PREX1: variants seen among roughly 807,000 people sequenced by gnomAD.
PREX1 encodes phosphatidylinositol 3,4,5-trisphosphate-dependent Rac exchanger 1 protein.
In PREX1, 41 loss-of-function variants were observed where a neutral mutation model predicts 198.3. The observed-to-expected ratio is 0.21, with a 90% CI of 0.16 to 0.27. PREX1 has a LOEUF of 0.27. Among genes scored for constraint, PREX1 ranks in the 10% least tolerant of loss-of-function variants. PREX1 has a pLI of 1.00. For synonymous variants in PREX1, 843 were observed against 887.2 expected, an observed-to-expected ratio of 0.95 and a Z score of 0.89; for missense variants, 1,620 against 2,200.7, an observed-to-expected ratio of 0.74 and a Z score of 5.28.
chr20:48,631,551 AC>A (rs1367572662), intron 35 of PREX1, among the ~76,000 whole-genome samples: 1 of 152,230 alleles, frequency 6.6e-6, no homozygotes, highest in Non-Finnish European at 1.5e-5. Context: ...CAGACTGATG[AC>A]AGCCCTGATC....
intron 7 of PREX1, among the ~76,000 whole-genome samples, chr20:48,696,026 A>C (rs1453123338): frequency 6.6e-6 from 1 of 152,232 alleles, no homozygotes; most frequent in African/African-American, 2.4e-5. Flanking sequence ...CCATTATACA[A>C]ACTGTAAAGA....
At chr20:48,801,636 C>G (rs1024423642) in intron 1 of PREX1, among the ~76,000 whole-genome samples, 5 of 152,240 alleles carry the variant, frequency 3.3e-5, no homozygotes, top group Non-Finnish European at 5.9e-5. Flanking sequence ...ACCCACGTCT[C>G]TCCCCGGGGC....
intron 5 of PREX1, among the ~76,000 whole-genome samples, chr20:48,721,170 A>T (rs144300747): frequency 0.021 from 3,252 of 152,306 alleles, 45 homozygotes; most frequent in Non-Finnish European, 0.032. Flanking sequence ...TCAATAAGTG[A>T]CCAGGGGTAT....
At chr20:48,796,486 G>A (rs2090362892) in intron 1 of PREX1, among the ~76,000 whole-genome samples, 1 of 152,138 alleles carries the variant, frequency 6.6e-6, no homozygotes, top group Admixed American at 6.5e-5. Context: ...ACTATCTGAA[G>A]GGGCCTGTAT....
At chr20:48,719,306 C>T (rs953831849) in intron 5 of PREX1, among the ~76,000 whole-genome samples, 1 of 152,014 alleles carries the variant, frequency 6.6e-6, no homozygotes, top group African/African-American at 2.4e-5. Context: ...TGGCAGGACC[C>T]CCCCCCCAAC....
At chr20:48,868,332 T>C in the PREX1 span, among the ~76,000 whole-genome samples, 1 of 152,128 alleles carries the variant, frequency 6.6e-6, no homozygotes, top group African/African-American at 2.4e-5. Context: ...ATTTTTTTTT[T>C]TTGAGACAGA....
At chr20:48,646,124 C>G in intron 25 of PREX1, 67 bp from the exon 26 acceptor site, 2 of 1,519,544 alleles carry the variant, frequency 1.3e-6, no homozygotes, top group Non-Finnish European at 1.8e-6. Flanking sequence ...CCCTGAAAAT[C>G]CCACCAGCAG....
the PREX1 span, among the ~76,000 whole-genome samples, chr20:48,855,558 T>C: frequency 6.6e-6 from 1 of 152,158 alleles, no homozygotes; most frequent in Non-Finnish European, 1.5e-5. Flanking sequence ...GCAGACAACA[T>C]TCTTCAGCTC....
chr20:48,840,348 A>G, the PREX1 span, among the ~76,000 whole-genome samples: 3 of 146,980 alleles, frequency 2.0e-5, no homozygotes, highest in Admixed American at 6.7e-5. Flanking sequence ...CCAAAAAAAA[A>G]AAAAAAGAAA....
intron 22 of PREX1, 66 bp from the exon 23 acceptor site, chr20:48,651,121 A>G: frequency 6.4e-7 from 1 of 1,572,112 alleles, no homozygotes; most frequent in African/African-American, 1.3e-5. Flanking sequence ...CGGTTCACCC[A>G]CAGTGACTCC....
At chr20:48,881,207 T>C in the PREX1 span, among the ~76,000 whole-genome samples, 1 of 152,060 alleles carries the variant, frequency 6.6e-6, no homozygotes, top group African/African-American at 2.4e-5. Context: ...GAGTTGATAA[T>C]TGTTGGACTG....
intron 26 of PREX1, among the ~76,000 whole-genome samples, chr20:48,645,432 T>C (rs2089443832): frequency 6.6e-6 from 1 of 152,226 alleles, no homozygotes; most frequent in Admixed American, 6.5e-5. Context: ...GTAGAAAATT[T>C]AGATCTTCTC....
In PREX1 at chr20:48,646,409, G is replaced by A. The variant is rs1030917028; in HGVS notation, c.3306-352C>T. 7.9e-5 allele frequency among the ~76,000 whole-genome samples: 12 copies of A among 152,330 alleles called. No homozygotes were observed. In the South Asian group the frequency reaches 1.0e-3, roughly 13 times the overall value. ...TAAAAATGAAAACAATCAGCTGGGC[G>A]CAGTGGTTCACACCTGTAATCCCAG... On this transcript the variant is annotated intron_variant, in intron 25 of 39. Transcript: ENST00000371941.
intron 1 of PREX1, among the ~76,000 whole-genome samples, chr20:48,798,366 T>C (rs1180868217): frequency 2.0e-5 from 3 of 152,178 alleles, no homozygotes; most frequent in Non-Finnish European, 4.4e-5. Context: ...CGGTCCAGCC[T>C]CCATACCCAC....
chr20:48,878,024 G>A, the PREX1 span, among the ~76,000 whole-genome samples: 7 of 152,040 alleles, frequency 4.6e-5, no homozygotes, highest in African/African-American at 1.4e-4. Flanking sequence ...CAGGATAATC[G>A]CTTGAACCCA....
At chr20:48,823,010 A>G (rs6019442) in intron 1 of PREX1, among the ~76,000 whole-genome samples, 97 of 152,306 alleles carry the variant, frequency 6.4e-4, no homozygotes, top group African/African-American at 2.1e-3. Context: ...AATAGTGACA[A>G]CAAAAAACCA....
At chr20:48,729,603 GC>G (rs2090025565) in intron 4 of PREX1, among the ~76,000 whole-genome samples, 1 of 152,020 alleles carries the variant, frequency 6.6e-6, no homozygotes, top group East Asian at 1.9e-4. Context: ...AGTTGCTTGG[GC>G]CCAAAACCCT....
intron 15 of PREX1, among the ~76,000 whole-genome samples, chr20:48,660,366 C>A (rs894339240): frequency 1.3e-5 from 2 of 152,152 alleles, no homozygotes; most frequent in South Asian, 2.1e-4. Flanking sequence ...CAATAACCAG[C>A]AGAAGGGAAT....
the PREX1 span, among the ~76,000 whole-genome samples, chr20:48,848,747 AG>A: frequency 1.3e-5 from 2 of 151,938 alleles, no homozygotes; most frequent in African/African-American, 4.8e-5. Context: ...TAACATTTTT[AG>A]GGGGGGTGGT....
Sources: gnomAD v4.1 joint callset for allele counts (sites outside exome capture counted in the v4.1 genomes callset) on GRCh38, gnomAD v4.1.1 for gene constraint, MANE v1.5 for transcripts, NCBI Gene and HGNC (gene_info 2026-07-23, HGNC 2026-07-21) for gene names.